DSCAM: variants seen among roughly 807,000 people sequenced by gnomAD.
DSCAM encodes the protein cell adhesion molecule DSCAM.
DSCAM carries 47 observed loss-of-function variants against 217.7 expected under a neutral mutation model. That is an observed-to-expected ratio of 0.22 (90% CI 0.17 to 0.28). DSCAM has a LOEUF of 0.28. DSCAM is among the 10% of genes least tolerant of loss of function. The pLI, the probability that DSCAM is intolerant of heterozygous loss-of-function variation, is 1.00. For missense variants in DSCAM, 2,080 were observed against 2,618.3 expected (o/e 0.79, Z 4.49); for synonymous variants, 1,056 against 1,015.3 (o/e 1.04, Z -0.76).
chr21:40,686,019 A>G (rs1601849165), intron 3 of DSCAM, among the ~76,000 whole-genome samples: 1 of 152,226 alleles, frequency 6.6e-6, no homozygotes, highest in East Asian at 1.9e-4. Context: ...CAGCGCTGCA[A>G]TCAAGTCATA....
At chr21:40,660,029 C>G (rs1441064609) in intron 3 of DSCAM, among the ~76,000 whole-genome samples, 1 of 152,144 alleles carries the variant, frequency 6.6e-6, no homozygotes, top group Non-Finnish European at 1.5e-5. Flanking sequence ...CTATCAAGTG[C>G]TAGTTATATG....
intron 11 of DSCAM, among the ~76,000 whole-genome samples, chr21:40,264,742 T>C (rs922140866): frequency 6.6e-6 from 1 of 151,736 alleles, no homozygotes; most frequent in South Asian, 2.1e-4. Context: ...GGCCTCCAAA[T>C]AGGAAAAAAG....
At chr21:40,463,148 C>A (rs2075818921) in intron 3 of DSCAM, among the ~76,000 whole-genome samples, 1 of 152,066 alleles carries the variant, frequency 6.6e-6, no homozygotes, top group African/African-American at 2.4e-5. Flanking sequence ...TTGTAATATA[C>A]TTCCTTAGGA....
intron 15 of DSCAM, among the ~76,000 whole-genome samples, chr21:40,175,899 T>C (rs1480314570): frequency 6.6e-6 from 1 of 151,646 alleles, no homozygotes; most frequent in Non-Finnish European, 1.5e-5. Context: ...TAAACGTTCA[T>C]CTCATACTTT....
At chr21:40,066,026 C>T (rs918400628) in intron 27 of DSCAM, among the ~76,000 whole-genome samples, 2 of 152,222 alleles carry the variant, frequency 1.3e-5, no homozygotes, top group Non-Finnish European at 2.9e-5. Flanking sequence ...AGTGCAAAGC[C>T]CTCCATCGTC....
At chr21:40,596,640 A>C (rs577861286) in intron 3 of DSCAM, among the ~76,000 whole-genome samples, 1 of 152,322 alleles carries the variant, frequency 6.6e-6, no homozygotes, top group South Asian at 2.1e-4. Flanking sequence ...AATTTCTTGC[A>C]ACAAGAAAAT....
rs1194781634 is a variant in DSCAM, at chr21:40,067,740, CAT to C, written c.4889-4843_4889-4842del. On this transcript the variant is annotated intron_variant, in intron 27 of 32. Coordinates refer to ENST00000400454, the MANE Select transcript of DSCAM (RefSeq NM_001389.5). ...CCTCCCCTCATTCCCTCCCTCCCCT[CAT>C]TCCCTCCCTCCCTCCCTCCCTCCCT... is the stretch of plus-strand genomic sequence containing the variant. 1.3e-3 allele frequency among the ~76,000 whole-genome samples: 36 copies of C among 27,104 alleles called. 3 individuals are homozygous for C. The highest frequency in any genetic ancestry group is 7.8e-3 in the African/African-American group (35 of 4,506). The allele number at this position is 27,104 out of a possible 152,430, so 17.8% of individuals were successfully genotyped here.
chr21:40,529,504 T>C (rs142592188), intron 3 of DSCAM, among the ~76,000 whole-genome samples: 7 of 152,264 alleles, frequency 4.6e-5, no homozygotes, highest in African/African-American at 9.6e-5. Context: ...TCCTTCATAG[T>C]TGGTATGGAG....
chr21:40,551,266 C>G (rs555446907), intron 3 of DSCAM, among the ~76,000 whole-genome samples: 8 of 152,122 alleles, frequency 5.3e-5, no homozygotes, highest in Non-Finnish European at 8.8e-5. Flanking sequence ...GGCAGGACAT[C>G]TTGAAGTGGT....
intron 3 of DSCAM, among the ~76,000 whole-genome samples, chr21:40,467,929 C>CAAAAA (rs2075857862): frequency 7.8e-5 from 6 of 76,824 alleles, no homozygotes; most frequent in African/African-American, 2.6e-4. Flanking sequence ...CAAAGATTAA[C>CAAAAA]CAAAAAAAAA....
At chr21:40,807,430 C>A (rs991796383) in intron 1 of DSCAM, among the ~76,000 whole-genome samples, 1 of 151,914 alleles carries the variant, frequency 6.6e-6, no homozygotes, top group East Asian at 1.9e-4. Flanking sequence ...ATTGCAGGTT[C>A]ATGGTCCTCC....
At chr21:40,526,148 G>T (rs1258247521) in intron 3 of DSCAM, among the ~76,000 whole-genome samples, 1 of 152,144 alleles carries the variant, frequency 6.6e-6, no homozygotes, top group Non-Finnish European at 1.5e-5. Flanking sequence ...TTCTCGGGGA[G>T]CCCAGCGTCA....
chr21:40,604,587 G>A (rs968504629), intron 3 of DSCAM, among the ~76,000 whole-genome samples: 2 of 152,196 alleles, frequency 1.3e-5, no homozygotes, highest in Non-Finnish European at 2.9e-5. Flanking sequence ...TGTATTTAAT[G>A]TTTGATGTAG....
intron 7 of DSCAM, among the ~76,000 whole-genome samples, chr21:40,338,748 C>T (rs1272123627): frequency 2.0e-5 from 3 of 152,052 alleles, no homozygotes; most frequent in Non-Finnish European, 2.9e-5. Flanking sequence ...AAATCTAGGA[C>T]GACAATGGAG....
chr21:40,256,746 G>A (rs563033661), intron 11 of DSCAM, among the ~76,000 whole-genome samples: 1 of 152,266 alleles, frequency 6.6e-6, no homozygotes, highest in South Asian at 2.1e-4. Flanking sequence ...CCTTCACAGC[G>A]ACATCTAGGC....
chr21:40,728,811 C>T (rs1372505017), intron 1 of DSCAM, among the ~76,000 whole-genome samples: 1 of 152,176 alleles, frequency 6.6e-6, no homozygotes. Context: ...ACATTTAATC[C>T]TATAGATGTT....
intron 3 of DSCAM, among the ~76,000 whole-genome samples, chr21:40,632,624 G>T (rs886451564): frequency 6.6e-6 from 1 of 152,074 alleles, no homozygotes; most frequent in African/African-American, 2.4e-5. Context: ...AACGTGTTTT[G>T]CTTATTGGAA....
At chr21:40,754,052 T>C (rs2091252741) in intron 1 of DSCAM, among the ~76,000 whole-genome samples, 1 of 152,184 alleles carries the variant, frequency 6.6e-6, no homozygotes, top group Non-Finnish European at 1.5e-5. Flanking sequence ...GTGACAGCAA[T>C]GGCAAGAAAC....
intron 1 of DSCAM, among the ~76,000 whole-genome samples, chr21:40,712,771 C>T (rs1444934748): frequency 6.6e-6 from 1 of 151,980 alleles, no homozygotes; most frequent in African/African-American, 2.4e-5. Flanking sequence ...TTGGAATTAC[C>T]TCTCACAGTT....
Sources: allele counts gnomAD v4.1 joint callset (sites outside exome capture counted in the v4.1 genomes callset), GRCh38; gene constraint gnomAD v4.1.1; transcripts MANE v1.5; gene names NCBI Gene and HGNC (gene_info 2026-07-23, HGNC 2026-07-21).